The following ROBO2 variants were observed in gnomAD, a reference collection of about 807,000 sequenced individuals.
ROBO2 encodes roundabout guidance receptor 2.
A neutral mutation model predicts 160.8 loss-of-function variants in ROBO2; 53 were observed. The ratio of observed to expected loss-of-function variants is 0.33; its 90% CI spans 0.26 to 0.41. ROBO2 has a LOEUF of 0.41. Ranked by LOEUF, ROBO2 falls within the 10% of genes least tolerant of loss-of-function variation. The probability of loss-of-function intolerance (pLI) is 1.00; values close to 1 mark genes in which losing one functional copy is unlikely to be tolerated. For synonymous variants in ROBO2, 664 were observed against 611.7 expected (o/e 1.09, Z -1.26); for missense variants, 1,577 against 1,722.4 (o/e 0.92, Z 1.49).
intron 2 of ROBO2, among the ~76,000 whole-genome samples, chr3:76,588,451 A>T (rs549995458): frequency 2.6e-5 from 4 of 152,296 alleles, no homozygotes; most frequent in African/African-American, 9.6e-5. Context: ...AGCAATAATA[A>T]TTTTCATAGC....
chr3:76,237,268 C>A (rs1705002467), intron 2 of ROBO2, among the ~76,000 whole-genome samples: 1 of 152,132 alleles, frequency 6.6e-6, no homozygotes, highest in Admixed American at 6.5e-5. Flanking sequence ...AGAAGGTCTA[C>A]ATTACCTAAG....
intron 2 of ROBO2, among the ~76,000 whole-genome samples, chr3:76,282,036 C>A (rs933488251): frequency 3.9e-5 from 6 of 152,026 alleles, no homozygotes; most frequent in African/African-American, 1.4e-4. Flanking sequence ...CATTCATAGA[C>A]ATAGCCTGAC....
intron 2 of ROBO2, among the ~76,000 whole-genome samples, chr3:76,110,886 C>T (rs968820111): frequency 7.9e-5 from 12 of 152,108 alleles, no homozygotes; most frequent in African/African-American, 2.9e-4. Flanking sequence ...CTTACTTTAG[C>T]AAACAGGAAA....
At chr3:77,277,452 C>T (rs923500462) in intron 2 of ROBO2, among the ~76,000 whole-genome samples, 1 of 151,972 alleles carries the variant, frequency 6.6e-6, no homozygotes, top group African/African-American at 2.4e-5. Flanking sequence ...ATGTCACTCC[C>T]ACCACCCTCC....
At chr3:75,998,135 A>G (rs1000882070) in intron 2 of ROBO2, among the ~76,000 whole-genome samples, 2 of 152,098 alleles carry the variant, frequency 1.3e-5, no homozygotes, top group Non-Finnish European at 2.9e-5. Context: ...ATTGAATTAG[A>G]TTTCTCTTCT....
chr3:75,976,638 C>A (rs1242639436), intron 2 of ROBO2, among the ~76,000 whole-genome samples: 1 of 151,408 alleles, frequency 6.6e-6, no homozygotes, highest in Non-Finnish European at 1.5e-5. Flanking sequence ...ATTTAAAAAT[C>A]AATTTTTCAT....
At chr3:77,405,682 T>A (rs1368821278) in intron 2 of ROBO2, among the ~76,000 whole-genome samples, 1 of 152,004 alleles carries the variant, frequency 6.6e-6, no homozygotes, top group Non-Finnish European at 1.5e-5. Flanking sequence ...CAACTCTTAA[T>A]GTTTATAAGT....
At chr3:76,141,060 C>T (rs9820755) in intron 2 of ROBO2, among the ~76,000 whole-genome samples, 35 of 53,574 alleles carry the variant, frequency 6.5e-4, no homozygotes, top group African/African-American at 1.8e-3. Context: ...TTTTTACATA[C>T]ATATATATAT....
chr3:77,329,656 C>G (rs1329802986), intron 2 of ROBO2, among the ~76,000 whole-genome samples: 1 of 152,200 alleles, frequency 6.6e-6, no homozygotes, highest in African/African-American at 2.4e-5. Context: ...TTCTGATTCT[C>G]TCCTGCCCTG....
chr3:77,292,482 A>G (rs2153394151), intron 2 of ROBO2, among the ~76,000 whole-genome samples: 1 of 151,260 alleles, frequency 6.6e-6, no homozygotes, highest in Non-Finnish European at 1.5e-5. Flanking sequence ...GGGTAAACTG[A>G]GGCTAGAGCA....
chr3:77,333,243 AC>A (rs1470302207), intron 2 of ROBO2, among the ~76,000 whole-genome samples: 1 of 152,212 alleles, frequency 6.6e-6, no homozygotes, highest in African/African-American at 2.4e-5. Context: ...TGTTGATTCA[AC>A]CATGCATTCT....
chr3:76,712,813 C>T (rs2093321113), intron 2 of ROBO2, among the ~76,000 whole-genome samples: 1 of 152,050 alleles, frequency 6.6e-6, no homozygotes, highest in East Asian at 1.9e-4. Flanking sequence ...TTCCAATTTT[C>T]TCTTCATTTC....
At chr3:77,057,274 A>G (rs1203145244) in intron 1 of ROBO2, among the ~76,000 whole-genome samples, 6 of 152,120 alleles carry the variant, frequency 3.9e-5, no homozygotes, top group African/African-American at 1.4e-4. Flanking sequence ...GAACACTTGG[A>G]CACAGGGTGG....
intron 2 of ROBO2, among the ~76,000 whole-genome samples, chr3:76,313,990 C>A (rs748350911): frequency 1.2e-4 from 18 of 152,030 alleles, no homozygotes; most frequent in Non-Finnish European, 2.4e-4. Flanking sequence ...CAGCACCAAA[C>A]GGATGACGGG....
chr3:76,358,494 C>T (rs1042558600), intron 2 of ROBO2, among the ~76,000 whole-genome samples: 7 of 151,848 alleles, frequency 4.6e-5, no homozygotes, highest in African/African-American at 1.7e-4. Context: ...TCATCTTTGT[C>T]CATAGAAAGT....
intron 2 of ROBO2, among the ~76,000 whole-genome samples, chr3:76,622,705 C>G (rs1026075595): frequency 6.6e-6 from 1 of 152,172 alleles, no homozygotes; most frequent in Non-Finnish European, 1.5e-5. Flanking sequence ...TGTTCTCTTT[C>G]CAAACCTCTG....
At chr3:76,261,226 T>A (rs534205551) in intron 2 of ROBO2, among the ~76,000 whole-genome samples, 131 of 144,288 alleles carry the variant, frequency 9.1e-4, no homozygotes, top group African/African-American at 3.1e-3. Flanking sequence ...AAATGACAGC[T>A]TCCTATGAAT....
At chr3:77,485,426 C>T (rs564879381) in intron 4 of ROBO2, among the ~76,000 whole-genome samples, 2 of 151,960 alleles carry the variant, frequency 1.3e-5, no homozygotes, top group Non-Finnish European at 2.9e-5. Flanking sequence ...TGTATGTGAT[C>T]AGTTTTCTTT....
At chr3:77,481,452 G>T (rs1197798580) in intron 4 of ROBO2, among the ~76,000 whole-genome samples, 4 of 152,070 alleles carry the variant, frequency 2.6e-5, no homozygotes, top group African/African-American at 9.7e-5. Context: ...GTAAGATTTT[G>T]CAGTTCATCA....
Sources: gnomAD v4.1 joint callset for allele counts (sites outside exome capture counted in the v4.1 genomes callset) on GRCh38, gnomAD v4.1.1 for gene constraint, MANE v1.5 for transcripts, NCBI Gene and HGNC (gene_info 2026-07-23, HGNC 2026-07-21) for gene names.